ARHGAP27: variants seen among roughly 807,000 people sequenced by gnomAD.
ARHGAP27 encodes the protein rho GTPase-activating protein 27.
ARHGAP27 carries 53 observed loss-of-function variants against 102.0 expected under a neutral mutation model. That is an observed-to-expected ratio of 0.52 (90% CI 0.42 to 0.65). The LOEUF (loss-of-function observed/expected upper bound fraction) is 0.65, where lower values mean the gene tolerates loss of function less well. ARHGAP27 is among the 30% of genes least tolerant of loss of function. The probability of loss-of-function intolerance (pLI) is 0.00; values close to 1 mark genes in which losing one functional copy is unlikely to be tolerated. For missense variants in ARHGAP27, 1,117 were observed against 1,256.2 expected (o/e 0.89, Z 1.68); for synonymous variants, 525 against 542.8 (o/e 0.97, Z 0.46).
At chr17:45,421,987 G>A (rs1597856574) in intron 4 of ARHGAP27, among the ~76,000 whole-genome samples, 3 of 152,066 alleles carry the variant, frequency 2.0e-5, no homozygotes, top group African/African-American at 4.8e-5. Context: ...CCAATGTGGT[G>A]AAACCCTATC....
rs565733370 is a variant in ARHGAP27 at position 45,427,034 on chromosome 17, C to T, written c.657+2589G>A. 4.6e-5 allele frequency among the ~76,000 whole-genome samples: 7 copies of T among 152,248 alleles called. No homozygotes were observed. In the South Asian group the frequency reaches 1.2e-3, roughly 27 times the overall value. On this transcript the variant is annotated intron_variant, in intron 4 of 19. Transcript: ENST00000685559. The surrounding 1 kb of genome is among the most constrained non-coding windows in gnomAD (Gnocchi z 4.5). ...TCTGCTCCTCCCCAAGTCATCCCCC[C>T]GTCAGGAAGCAGCACCACTGTCTGC...
chr17:45,396,482 C>T lies in ARHGAP27; in HGVS notation c.2173+5G>A, dbSNP rs1567687939. On this transcript the variant is annotated splice_donor_5th_base_variant and intron_variant, in intron 16 of 19. Transcript: ENST00000685559. ...CTGCCGCCCTCACCCCCGCAGCGCA[C>T]GTACCGCGGGCCTCGACGGCGCGGA... The T allele has an allele frequency of 6.5e-7, 1 of 1,531,390 alleles. No individual in the cohort carries two copies. Among genetic ancestry groups the T allele is most frequent in the Non-Finnish European group, 8.7e-7 (1 of 1,143,998 alleles). 94.9% of individuals were successfully genotyped at this position (1,531,390 alleles called of 1,614,324 possible).
At chr17:45,414,991 C>T (rs12940792) in intron 4 of ARHGAP27, among the ~76,000 whole-genome samples, 20,592 of 148,658 alleles carry the variant, frequency 0.14, 1,714 homozygotes, top group Middle Eastern at 0.24. Context: ...ACCACTTGAA[C>T]CCCAGAGGTT....
At chr17:45,404,366 TC>T (rs769315674) in intron 8 of ARHGAP27, 32 bp from the exon 9 acceptor site, 2 of 1,613,544 alleles carry the variant, frequency 1.2e-6, no homozygotes, top group Non-Finnish European at 1.7e-6. Flanking sequence ...TCCCACCAAG[TC>T]CCTCCTCCCA....
At chr17:45,410,415 A>G in intron 4 of ARHGAP27, 1 of 1,362,876 alleles carries the variant, frequency 7.3e-7, no homozygotes, top group East Asian at 3.1e-5. Context: ...CGGGAGGCTG[A>G]GACTCCAGCC....
rs977777411 is a variant in ARHGAP27, at chr17:45,430,043, T to C, written c.237A>G (p.Pro79=). 131 of 1,258,522 alleles carry C rather than the reference T, an allele frequency of 1.0e-4. No homozygotes were observed. The African/African-American group carries it at 1.4e-3, about 14-fold the overall frequency. 78.0% of individuals were successfully genotyped at this position (1,258,522 alleles called of 1,614,324 possible). ...GGGCCGCGGGGCTCGGGTGGGGACC[T>C]GGCGGCGCGGCGGCGGCAGGGTTGC... ...ALGNPAAAAP[P]GPHPSPAAPE... is the part of the protein sequence containing the mutation. Residue 79 remains proline (P), a synonymous_variant, in exon 4 of 20, where the codon CCA becomes CCG. Transcript: ENST00000685559. This position sits in a 1 kb window ranked among gnomAD's most constrained non-coding sequence, Gnocchi z 4.4.
At position 45,396,923 on chromosome 17, in the gene ARHGAP27, C is replaced by T. The variant is rs1040016522; in HGVS notation, c.1944G>A (p.Pro648=). ...SWQEKEEDAR[P]NAAAPALGPV... ...ATCCTGCCTTGCGCACACCTGCATT[C>T]GGTCGCGCGTCCTCCTCTTTCTCCT... The change falls in exon 14 of 20, where the codon CCG becomes CCA. Residue 648 remains proline, a synonymous_variant. Coordinates refer to ENST00000685559, the MANE Select transcript of ARHGAP27 (RefSeq NM_001282290.2). 54 of 1,606,332 alleles carry T rather than the reference C, an allele frequency of 3.4e-5. No homozygotes were observed. The highest frequency in any genetic ancestry group is 4.2e-5 in the Non-Finnish European group (49 of 1,179,972).
rs1462395370 is a variant in ARHGAP27, at chr17:45,405,731, T to G, written c.1010A>C (p.Glu337Ala). 1 of 1,602,760 alleles carries G rather than the reference T, an allele frequency of 6.2e-7. No homozygotes were observed. The highest frequency in any genetic ancestry group is 1.3e-5 in the African/African-American group (1 of 75,046). The change falls in exon 5 of 20, where the codon GAG becomes GCG. Residue 337 changes from glutamate to alanine, a missense_variant. Transcript: ENST00000685559. ...GCCCGGCTGCATCTCCAACTCCTCC[T>G]CGGGCTCGTTCTCGGCCTCGTCCTC... is the stretch of plus-strand genomic sequence containing the variant. ...AWEDEAENEP[E>A]EELEMQPGLS...
At chr17:45,402,268 C>G (rs1329279740) in intron 12 of ARHGAP27, among the ~76,000 whole-genome samples, 1 of 152,112 alleles carries the variant, frequency 6.6e-6, no homozygotes, top group Non-Finnish European at 1.5e-5. Flanking sequence ...CAGGCTGGGA[C>G]GAGGGCTGCC....
chr17:45,406,420 C>T (rs565974548), intron 4 of ARHGAP27, among the ~76,000 whole-genome samples: 1 of 152,338 alleles, frequency 6.6e-6, no homozygotes, highest in African/African-American at 2.4e-5. Context: ...CTGCTCTGTC[C>T]ATTCCGGAAA....
At chr17:45,403,526 G>C (rs2046723319) in intron 11 of ARHGAP27, 93 bp downstream of exon 11, 9 of 1,074,596 alleles carry the variant, frequency 8.4e-6, no homozygotes, top group Admixed American at 2.3e-5. Context: ...ACTCCAGCCT[G>C]GGTGACAGAG....
intron 11 of ARHGAP27, among the ~76,000 whole-genome samples, chr17:45,403,073 G>C (rs752569584): frequency 1.3e-5 from 2 of 152,220 alleles, no homozygotes; most frequent in Non-Finnish European, 2.9e-5. Flanking sequence ...GCAAGCAGGT[G>C]TGCCCACCCC....
chr17:45,413,146 A>C (rs948020838), intron 4 of ARHGAP27, among the ~76,000 whole-genome samples: 5 of 150,872 alleles, frequency 3.3e-5, no homozygotes, highest in African/African-American at 1.2e-4. Flanking sequence ...TGCCCAGCTA[A>C]TTTTTGTACT....
intron 4 of ARHGAP27, chr17:45,408,347 G>A (rs1289637723): frequency 6.6e-6 from 1 of 152,180 alleles, no homozygotes; most frequent in Non-Finnish European, 1.5e-5. Flanking sequence ...TAAATGGTGG[G>A]GGTGATGAGT....
At chr17:45,396,825 C>T in intron 14 of ARHGAP27, 35 bp from the exon 15 acceptor site, 3 of 1,607,454 alleles carry the variant, frequency 1.9e-6, no homozygotes, top group Non-Finnish European at 2.5e-6. Flanking sequence ...AGTCAGGAGG[C>T]AGCGCCAGGG....
At chr17:45,417,753 C>CA (rs34796153) in intron 4 of ARHGAP27, among the ~76,000 whole-genome samples, 1,711 of 121,360 alleles carry the variant, frequency 0.014, 17 homozygotes, top group African/African-American at 0.046. Context: ...GATTCTGTCT[C>CA]AAAAAAAAAA....
intron 4 of ARHGAP27, among the ~76,000 whole-genome samples, chr17:45,425,895 A>G (rs1206253782): frequency 6.6e-6 from 1 of 152,012 alleles, no homozygotes; most frequent in Non-Finnish European, 1.5e-5. Flanking sequence ...GGAGAGGAGG[A>G]GTCATCCCTG....
chr17:45,396,425 T>C, intron 16 of ARHGAP27, 62 bp downstream of exon 16: 1 of 1,474,130 alleles, frequency 6.8e-7, no homozygotes, highest in Non-Finnish European at 9.0e-7. Flanking sequence ...CAGCCTGCGG[T>C]CCTGGCAGGA....
At chr17:45,409,241 A>G (rs879763239) in intron 4 of ARHGAP27, 5 of 152,302 alleles carry the variant, frequency 3.3e-5, no homozygotes, top group Admixed American at 3.3e-4. Flanking sequence ...TGAGCTGATA[A>G]GGAACAGGCT....
Sources: gnomAD v4.1 joint callset for allele counts (sites outside exome capture counted in the v4.1 genomes callset) on GRCh38, gnomAD v4.1.1 for gene constraint, Gnocchi (gnomAD v3.1) non-coding constraint, MANE v1.5 for transcripts, NCBI Gene and HGNC (gene_info 2026-07-23, HGNC 2026-07-21) for gene names.